Variants in RXRA observed in about 807,000 individuals in gnomAD.
RXRA encodes the protein retinoic acid receptor RXR-alpha.
RXRA carries 5 observed loss-of-function variants against 44.5 expected under a neutral mutation model. The ratio of observed to expected loss-of-function variants is 0.11; its 90% confidence interval spans 0.06 to 0.24. The LOEUF (loss-of-function observed/expected upper bound fraction) is 0.24. Among genes scored for constraint, RXRA ranks in the 10% least tolerant of loss-of-function variants. RXRA has a pLI of 1.00. For synonymous variants in RXRA, 291 were observed against 271.4 expected (o/e 1.07, Z -0.71); for missense variants, 412 against 646.5 (o/e 0.64, Z 3.93).
rs1191651394 is a variant in RXRA, at chr9:134,433,235, A to ACGGCC, written c.1136-854_1136-850dup. 6.6e-6 allele frequency among the ~76,000 whole-genome samples: 1 copy of ACGGCC among 152,046 alleles called. No individual in the cohort carries two copies. Among genetic ancestry groups the ACGGCC allele is most frequent in the Non-Finnish European group, 1.5e-5 (1 of 68,004 alleles). ...GCCAGCTCGGAGGCTGAGTCATGCC[A>ACGGCC]CGGCCCGGCCCGGCCCGAGGAATCC... On this transcript the variant is annotated intron_variant, in intron 8 of 9. Coordinates refer to ENST00000481739, the MANE Select transcript of RXRA (RefSeq NM_002957.6). This position sits in a 1 kb window ranked among gnomAD's most constrained non-coding sequence, Gnocchi z 4.2.
chr9:134,365,372 G>T lies in RXRA; in HGVS notation c.29-36260G>T, dbSNP rs1179100768. ...CTTGGGTCTCTGGTGAGCTCAGGGA[G>T]CGGGGTCCACGTTGCCTGGCCCAGG... On this transcript the variant is annotated intron_variant, in intron 1 of 9. Coordinates refer to ENST00000481739, the MANE Select transcript of RXRA (RefSeq NM_002957.6). The surrounding 1 kb of genome is among the most constrained non-coding windows in gnomAD (Gnocchi z 4.0). Among the ~76,000 whole-genome samples, 1 of 152,220 alleles carries T rather than the reference G, an allele frequency of 6.6e-6. No homozygotes were observed. The highest frequency in any genetic ancestry group is 6.5e-5 in the Admixed American group (1 of 15,290).
Position 134,401,796 on chromosome 9 carries a change from T to G in RXRA, c.193T>G (p.Phe65Val). Reference protein sequence around the residue: ...SSPINGMGPPFSVISSPMGPH... With the variant: ...SSPINGMGPPVSVISSPMGPH... ...CCCCATCAACGGCATGGGCCCGCCT[T>G]TCTCGGTCATCAGCTCCCCCATGGG... The change falls in exon 2 of 10, where the codon TTC becomes GTC. Residue 65 changes from phenylalanine (F) to valine (V), a missense_variant. Phe to Val is a conservative substitution (Grantham distance 50). Around this residue, in one of 4 missense-constraint regions of RXRA, gnomAD observed 156 missense variants for 177.2 expected, o/e 0.88. Coordinates refer to ENST00000481739, the MANE Select transcript of RXRA (RefSeq NM_002957.6). 8 of 1,612,972 alleles carry G rather than the reference T, an allele frequency of 5.0e-6. No homozygotes were observed. Among genetic ancestry groups the G allele is most frequent in the Non-Finnish European group, 6.8e-6 (8 of 1,179,844 alleles).
In RXRA at chr9:134,345,946, A is replaced by G. The variant is rs145699584; in HGVS notation, c.28+19287A>G. Among the ~76,000 whole-genome samples the G allele has an allele frequency of 9.0e-3, 1,370 of 152,108 alleles. 8 individuals are homozygous for G. The highest frequency in any genetic ancestry group is 0.015 in the Non-Finnish European group (1,014 of 67,976). On this transcript the variant is annotated intron_variant, in intron 1 of 9. Transcript: ENST00000481739. ...CCAGGAAGCCCTCCTTGATTTCCCC[A>G]TTCAGGAGGTCCTCTCCTATACCTG...
chr9:134,369,316 T>TTG (rs1265111604), intron 1 of RXRA, among the ~76,000 whole-genome samples: 3 of 48,554 alleles, frequency 6.2e-5, no homozygotes, highest in African/African-American at 1.0e-4. Context: ...AGTGCAGGGG[T>TTG]TGTGTGTGTG....
At chr9:134,408,810 G>T in intron 3 of RXRA, 130 bp from the exon 4 acceptor site, 1 of 840,194 alleles carries the variant, frequency 1.2e-6, no homozygotes. Context: ...AGCCCAGGCA[G>T]GGGTCTGGAG....
At position 134,426,299 on chromosome 9, in the gene RXRA, C is replaced by G. The variant is rs924249210; in HGVS notation, c.911-2809C>G. On this transcript the variant is annotated intron_variant, in intron 6 of 9. Transcript: ENST00000481739. This position sits in a 1 kb window ranked among gnomAD's most constrained non-coding sequence, Gnocchi z 4.6. ...CATCACAGGGCCAGGAGCCCTCCTT[C>G]CTGCAGCGATGGAGCACTTAGGAAG... The G allele has an allele frequency of 1.0e-6, 1 of 985,450 alleles. No homozygotes were observed. The highest frequency in any genetic ancestry group is 1.2e-6 in the Non-Finnish European group (1 of 829,934). 61.0% of individuals were successfully genotyped at this position (985,450 alleles called of 1,614,324 possible).
rs1340180109 is a variant in RXRA at position 134,329,649 on chromosome 9, G to A, written c.28+2990G>A. ...GTTGAGCCGGCAGCCCTGGTCACGC[G>A]GGCAGCTGCTGTGACTGGCTCCCGG... On this transcript the variant is annotated intron_variant, in intron 1 of 9. Coordinates refer to ENST00000481739, the MANE Select transcript of RXRA (RefSeq NM_002957.6). Among the ~76,000 whole-genome samples the A allele has an allele frequency of 1.3e-4, 20 of 152,096 alleles. 1 individual carries two copies. Among genetic ancestry groups the A allele is most frequent in the Admixed American group, 1.2e-3 (18 of 15,284 alleles).
intron 1 of RXRA, among the ~76,000 whole-genome samples, chr9:134,351,350 G>A (rs1830219449): frequency 6.6e-6 from 1 of 152,242 alleles, no homozygotes; most frequent in Admixed American, 6.5e-5. Context: ...AGCGGGCAGA[G>A]GGGAGGGCAA....
chr9:134,408,132 GTGGT>G lies in RXRA; in HGVS notation c.280-14_280-11del. 1 of 1,525,064 alleles carries G rather than the reference GTGGT, an allele frequency of 6.6e-7. No individual in the cohort carries two copies. The highest frequency in any genetic ancestry group is 8.8e-7 in the Non-Finnish European group (1 of 1,141,980). 94.5% of individuals were successfully genotyped at this position (1,525,064 alleles called of 1,614,324 possible). ...CCTGGTGTACACCCCGCTGACTGCT[GTGGT>G]TGCCCCCCCCAGCTCAGCTCACCTA... On this transcript the variant is annotated splice_polypyrimidine_tract_variant and intron_variant, in intron 2 of 9. Coordinates refer to ENST00000481739, the MANE Select transcript of RXRA (RefSeq NM_002957.6).
intron 1 of RXRA, among the ~76,000 whole-genome samples, chr9:134,346,532 G>T (rs1170189989): frequency 1.3e-5 from 2 of 152,178 alleles, no homozygotes; most frequent in Non-Finnish European, 2.9e-5. Context: ...CGTGTTGGGG[G>T]CTCTCGTTAA....
At chr9:134,436,441 G>T in intron 9 of RXRA, 26 bp from the exon 10 acceptor site, 1 of 1,611,998 alleles carries the variant, frequency 6.2e-7, no homozygotes, top group South Asian at 1.1e-5. Context: ...CCCTTGCCCG[G>T]CCCTCACCAG....
intron 6 of RXRA, chr9:134,422,430 T>C: frequency 8.1e-7 from 1 of 1,231,492 alleles, no homozygotes; most frequent in Non-Finnish European, 1.0e-6. Context: ...CCCTGGACGC[T>C]CCCCTCTCCC....
chr9:134,354,931 G>T (rs1239008417), intron 1 of RXRA, among the ~76,000 whole-genome samples: 1 of 152,274 alleles, frequency 6.6e-6, no homozygotes, highest in Admixed American at 6.5e-5. Context: ...GGAAGCCGTG[G>T]TTGGGAGTCA....
At chr9:134,409,307 C>G (rs1831109542) in intron 4 of RXRA, among the ~76,000 whole-genome samples, 188 bp downstream of exon 4, 1 of 152,220 alleles carries the variant, frequency 6.6e-6, no homozygotes, top group African/African-American at 2.4e-5. Flanking sequence ...CGTGGGCACA[C>G]ATGGGTCCTG....
intron 6 of RXRA, chr9:134,424,903 CCGGCA>C: frequency 1.0e-6 from 1 of 985,462 alleles, no homozygotes; most frequent in Non-Finnish European, 1.2e-6. Flanking sequence ...CCGCCCAGCT[CCGGCA>C]GGTGCCAGGG....
intron 1 of RXRA, among the ~76,000 whole-genome samples, chr9:134,381,113 G>A (rs75125511): frequency 0.02 from 2,999 of 152,306 alleles, 86 homozygotes; most frequent in African/African-American, 0.064. Flanking sequence ...CAGAGCCTGC[G>A]GTGGGCACTG....
rs550627338 is a variant in RXRA, at chr9:134,328,623, T to C, written c.28+1964T>C. ...TCTAAGCTTGTGACCAGCTCTGAAG[T>C]CCAGAGCAGTCGAAGGTCCATTTAA... On this transcript the variant is annotated intron_variant, in intron 1 of 9. Coordinates refer to ENST00000481739, the MANE Select transcript of RXRA (RefSeq NM_002957.6). Among the ~76,000 whole-genome samples the C allele has an allele frequency of 2.6e-5, 4 of 152,266 alleles. No individual in the cohort carries two copies. The South Asian group carries it at 8.3e-4, about 32-fold the overall frequency.
chr9:134,423,659 G>C (rs986653192), intron 6 of RXRA: 121 of 985,356 alleles, frequency 1.2e-4, no homozygotes, highest in Non-Finnish European at 1.4e-4. Context: ...TTGCCCCTCT[G>C]GGCCTGAGGC....
At position 134,342,540 on chromosome 9, in the gene RXRA, G is replaced by T. The variant is rs959894253; in HGVS notation, c.28+15881G>T. ...TGTGCGCCCTCTTCCTGCCATCAGC[G>T]GGGGGCAGTGGGTTGGTGCAGGCAG... On this transcript the variant is annotated intron_variant, in intron 1 of 9. Transcript: ENST00000481739. The surrounding 1 kb of genome is among the most constrained non-coding windows in gnomAD (Gnocchi z 4.4). 4.6e-5 allele frequency among the ~76,000 whole-genome samples: 7 copies of T among 152,180 alleles called. No homozygotes were observed. The highest frequency in any genetic ancestry group is 1.0e-4 in the Non-Finnish European group (7 of 68,032).
Sources: allele counts gnomAD v4.1 joint callset (sites outside exome capture counted in the v4.1 genomes callset), GRCh38; gene constraint gnomAD v4.1.1; regional missense constraint gnomAD v4.1.1; non-coding constraint Gnocchi (gnomAD v3.1); transcripts MANE v1.5; gene names NCBI Gene and HGNC (gene_info 2026-07-23, HGNC 2026-07-21).